The following UNC5C variants were observed in gnomAD, a reference collection of about 807,000 sequenced individuals.
The protein encoded by UNC5C is unc-5 netrin receptor C.
In UNC5C, 47 loss-of-function variants were observed where a neutral mutation model predicts 99.8. That is an observed-to-expected ratio of 0.47 (90% CI 0.37 to 0.60). The LOEUF is 0.60. UNC5C is among the 20% of genes least tolerant of loss of function. The probability of loss-of-function intolerance (pLI) is 0.00; values close to 1 mark genes in which losing one functional copy is unlikely to be tolerated. For missense variants in UNC5C, 1,062 were observed against 1,165.9 expected, an observed-to-expected ratio of 0.91 and a Z score of 1.30; for synonymous variants, 487 against 452.2, an observed-to-expected ratio of 1.08 and a Z score of -0.98.
intron 1 of UNC5C, among the ~76,000 whole-genome samples, chr4:95,389,838 T>C (rs1384246481): frequency 6.6e-6 from 1 of 152,054 alleles, no homozygotes; most frequent in Non-Finnish European, 1.5e-5. Flanking sequence ...ATTAGTTACA[T>C]GTTGAAATAT....
chr4:95,313,900 G>T (rs1274630106), intron 2 of UNC5C, among the ~76,000 whole-genome samples: 1 of 152,128 alleles, frequency 6.6e-6, no homozygotes, highest in Non-Finnish European at 1.5e-5. Context: ...GTACGTATTG[G>T]CTGACTTTTG....
chr4:95,368,781 T>C (rs1744656546), intron 1 of UNC5C, among the ~76,000 whole-genome samples: 1 of 152,234 alleles, frequency 6.6e-6, no homozygotes, highest in Non-Finnish European at 1.5e-5. Context: ...TGATATATTT[T>C]ATTTAACCCA....
At position 95,165,969 on chromosome 4, in the gene UNC5C, A is replaced by G. The variant is rs1463706056; in HGVS notation, c.*3265T>C. On this transcript the variant is annotated 3_prime_UTR_variant, in exon 16 of 16. Transcript: ENST00000453304. ...GAGATGAGTGATGCAAATGAAAAAA[A>G]AGTGAGAATAAGAAAATTATAAATT... 1 of 152,222 alleles carries G rather than the reference A, an allele frequency of 6.6e-6. No homozygotes were observed. Among genetic ancestry groups the G allele is most frequent in the Admixed American group, 6.5e-5 (1 of 15,284 alleles). The allele number at this position is 152,222 out of a possible 1,614,324, so 9.4% of individuals were successfully genotyped here.
chr4:95,319,763 T>A (rs1742610863), intron 2 of UNC5C, among the ~76,000 whole-genome samples: 1 of 152,146 alleles, frequency 6.6e-6, no homozygotes, highest in Non-Finnish European at 1.5e-5. Context: ...GTGGAAATTT[T>A]TAACTAAAAA....
Position 95,385,973 on chromosome 4 carries a change from C to G in UNC5C, c.125-50342G>C, listed in dbSNP as rs896337333. On this transcript the variant is annotated intron_variant, in intron 1 of 15. Transcript: ENST00000453304. ...AGTTAAAACACCAAAAAGCCTCAGT[C>G]CTCCCCAACCAGTATCTCCTGGCAT... Among the ~76,000 whole-genome samples, 14 of 152,216 alleles carry G rather than the reference C, an allele frequency of 9.2e-5. No individual in the cohort carries two copies. The East Asian group carries it at 2.5e-3, about 27-fold the overall frequency.
intron 10 of UNC5C, among the ~76,000 whole-genome samples, chr4:95,208,857 C>A (rs998925782): frequency 1.3e-5 from 2 of 152,124 alleles, no homozygotes; most frequent in African/African-American, 4.8e-5. Context: ...CTATGGTTTA[C>A]GTATTATTTA....
intron 1 of UNC5C, among the ~76,000 whole-genome samples, chr4:95,341,499 GAAA>G (rs1743577385): frequency 2.0e-5 from 2 of 102,530 alleles, no homozygotes; most frequent in Admixed American, 1.2e-4. Context: ...AAAGAAAGAA[GAAA>G]GAGAGAGAAA....
At chr4:95,292,236 C>CATATATATATAT (rs71583696) in intron 3 of UNC5C, among the ~76,000 whole-genome samples, 19 of 88,736 alleles carry the variant, frequency 2.1e-4, no homozygotes, top group South Asian at 4.2e-4. Context: ...CACACACACA[C>CATATATATATAT]ATATATATAT....
intron 6 of UNC5C, among the ~76,000 whole-genome samples, 167 bp downstream of exon 6, chr4:95,244,810 T>C (rs1739441628): frequency 6.6e-6 from 1 of 152,192 alleles, no homozygotes; most frequent in Non-Finnish European, 1.5e-5. Flanking sequence ...AAGTATTCTT[T>C]TGGAGGAAAA....
At chr4:95,439,781 G>A (rs1174161645) in intron 1 of UNC5C, among the ~76,000 whole-genome samples, 3 of 152,056 alleles carry the variant, frequency 2.0e-5, no homozygotes. Context: ...CTGGCTAATT[G>A]GGTGGGAAAC....
intron 1 of UNC5C, among the ~76,000 whole-genome samples, chr4:95,431,037 A>AT (rs1313292062): frequency 6.6e-6 from 1 of 151,922 alleles, no homozygotes; most frequent in Non-Finnish European, 1.5e-5. Flanking sequence ...TAAAAGTACC[A>AT]TTTTCTCTCT....
chr4:95,355,679 C>T (rs891243537), intron 1 of UNC5C, among the ~76,000 whole-genome samples: 1 of 151,824 alleles, frequency 6.6e-6, no homozygotes, highest in African/African-American at 2.4e-5. Context: ...ATCTGGAGTA[C>T]CCAGCCATGG....
intron 1 of UNC5C, among the ~76,000 whole-genome samples, chr4:95,489,514 T>A (rs1461882818): frequency 6.6e-6 from 1 of 151,692 alleles, no homozygotes; most frequent in African/African-American, 2.4e-5. Context: ...CTATAGATGT[T>A]AAAAGCCCAT....
chr4:95,190,186 T>G (rs1186146199), intron 12 of UNC5C, among the ~76,000 whole-genome samples: 1 of 152,188 alleles, frequency 6.6e-6, no homozygotes, highest in Non-Finnish European at 1.5e-5. Context: ...TCATGTCCTT[T>G]GTAGGGACAT....
At chr4:95,358,455 A>C (rs1744283829) in intron 1 of UNC5C, among the ~76,000 whole-genome samples, 1 of 152,216 alleles carries the variant, frequency 6.6e-6, no homozygotes, top group Non-Finnish European at 1.5e-5. Context: ...ATACTGAAGA[A>C]GATGGTAAGG....
chr4:95,210,360 T>C (rs930166365), intron 10 of UNC5C, among the ~76,000 whole-genome samples: 1 of 152,132 alleles, frequency 6.6e-6, no homozygotes, highest in African/African-American at 2.4e-5. Context: ...ATAAATAGCA[T>C]TGAAATTGCA....
chr4:95,171,861 TAA>T (rs1159695815), intron 14 of UNC5C, among the ~76,000 whole-genome samples: 1 of 152,062 alleles, frequency 6.6e-6, no homozygotes, highest in Non-Finnish European at 1.5e-5. Context: ...ACCAACAGTG[TAA>T]AAGTGTTCCT....
intron 1 of UNC5C, among the ~76,000 whole-genome samples, chr4:95,356,193 CAAAAAAA>C (rs59097041): frequency 1.7e-5 from 1 of 57,996 alleles, no homozygotes; most frequent in Non-Finnish European, 3.3e-5. Context: ...GACCCTGTAG[CAAAAAAA>C]AAAAAAAAAA....
intron 1 of UNC5C, among the ~76,000 whole-genome samples, chr4:95,510,322 C>T (rs1339496887): frequency 1.3e-5 from 2 of 151,898 alleles, no homozygotes; most frequent in African/African-American, 4.8e-5. Context: ...GATTAAAGTT[C>T]GCTAAAACAG....
Sources: gnomAD v4.1 joint callset for allele counts (sites outside exome capture counted in the v4.1 genomes callset) on GRCh38, gnomAD v4.1.1 for gene constraint, MANE v1.5 for transcripts, NCBI Gene and HGNC (gene_info 2026-07-23, HGNC 2026-07-21) for gene names.